Variants in NALCN observed in about 807,000 individuals in gnomAD.
NALCN encodes the protein sodium leak channel, non-selective, also known as sodium leak channel NALCN.
In NALCN, 111 loss-of-function variants were observed where a neutral mutation model predicts 225.3. The observed-to-expected ratio is 0.49, with a 90% CI of 0.42 to 0.58. The LOEUF (loss-of-function observed/expected upper bound fraction) is 0.58. NALCN is among the 20% of genes least tolerant of loss of function. The probability of loss-of-function intolerance (pLI) is 0.00; values close to 1 mark genes in which losing one functional copy is unlikely to be tolerated. For missense variants in NALCN, 1,378 were observed against 2,202.4 expected, an observed-to-expected ratio of 0.63 and a Z score of 7.49; for synonymous variants, 764 against 769.0, an observed-to-expected ratio of 0.99 and a Z score of 0.11.
intron 15 of NALCN, among the ~76,000 whole-genome samples, chr13:101,154,810 C>T (rs1443599551): frequency 6.6e-6 from 1 of 152,134 alleles, no homozygotes; most frequent in Non-Finnish European, 1.5e-5. Flanking sequence ...TATTATCCAG[C>T]ACAAGCAAGT....
chr13:101,186,568 G>A (rs2039456348), intron 14 of NALCN, among the ~76,000 whole-genome samples: 2 of 151,852 alleles, frequency 1.3e-5, no homozygotes, highest in South Asian at 4.2e-4. Flanking sequence ...GACTTTTTTT[G>A]GGTAGTATAG....
At chr13:101,189,431 G>T (rs554033537) in intron 14 of NALCN, among the ~76,000 whole-genome samples, 47 of 152,250 alleles carry the variant, frequency 3.1e-4, no homozygotes, top group African/African-American at 1.1e-3. Context: ...ATTTAAAGGG[G>T]CTCAGTGCTG....
chr13:101,398,165 T>C (rs1349890276), intron 2 of NALCN, among the ~76,000 whole-genome samples: 1 of 152,142 alleles, frequency 6.6e-6, no homozygotes. Flanking sequence ...GATGCTTCCA[T>C]GATTATAAAG....
At chr13:101,262,560 C>G (rs148234011) in intron 10 of NALCN, among the ~76,000 whole-genome samples, 1 of 152,204 alleles carries the variant, frequency 6.6e-6, no homozygotes, top group African/African-American at 2.4e-5. Flanking sequence ...TTAACACATG[C>G]CCTTACTGTC....
chr13:101,300,776 A>G (rs1232194401), intron 7 of NALCN, among the ~76,000 whole-genome samples: 4 of 152,282 alleles, frequency 2.6e-5, no homozygotes, highest in Non-Finnish European at 5.9e-5. Context: ...AAAACAAAAT[A>G]AAGCAAAAAC....
chr13:101,197,035 A>C (rs996636310), intron 13 of NALCN, among the ~76,000 whole-genome samples: 1 of 151,964 alleles, frequency 6.6e-6, no homozygotes, highest in Non-Finnish European at 1.5e-5. Flanking sequence ...CTTCACTCTC[A>C]AGCCTCCTCA....
At chr13:101,090,840 T>A (rs1184235618) in intron 28 of NALCN, among the ~76,000 whole-genome samples, 1 of 152,144 alleles carries the variant, frequency 6.6e-6, no homozygotes, top group African/African-American at 2.4e-5. Context: ...ATCCAACAGG[T>A]AATTTTTCCA....
chr13:101,101,323 C>G (rs954969206), intron 26 of NALCN, among the ~76,000 whole-genome samples: 5 of 148,150 alleles, frequency 3.4e-5, no homozygotes, highest in African/African-American at 1.2e-4. Flanking sequence ...CTCTGTCCCC[C>G]AGGGTGGAGT....
chr13:101,105,815 T>C (rs936276925), intron 22 of NALCN, among the ~76,000 whole-genome samples: 2 of 152,160 alleles, frequency 1.3e-5, no homozygotes, highest in Non-Finnish European at 2.9e-5. Flanking sequence ...AGGTAGTAGC[T>C]GGGTCCCTGA....
chr13:101,171,516 A>G (rs373770936), intron 15 of NALCN, among the ~76,000 whole-genome samples: 1 of 152,200 alleles, frequency 6.6e-6, no homozygotes, highest in South Asian at 2.1e-4. Context: ...ACGTACTTCA[A>G]TATGGGGGTC....
intron 9 of NALCN, among the ~76,000 whole-genome samples, chr13:101,288,358 T>C (rs1226436836): frequency 2.0e-5 from 3 of 152,254 alleles, no homozygotes; most frequent in African/African-American, 7.2e-5. Flanking sequence ...TAAAGTATTT[T>C]CTTTGAGCAT....
intron 13 of NALCN, among the ~76,000 whole-genome samples, chr13:101,225,470 T>A (rs2140121090): frequency 6.6e-6 from 1 of 152,298 alleles, no homozygotes; most frequent in South Asian, 2.1e-4. Context: ...ACCTCCGGGC[T>A]TGGATTGGGA....
rs1453417890 is a variant in NALCN at position 101,083,074 on chromosome 13, T to C, written c.3690+18A>G. The C allele has an allele frequency of 6.2e-6, 10 of 1,611,144 alleles. No individual in the cohort carries two copies. The highest frequency in any genetic ancestry group is 8.5e-6 in the Non-Finnish European group (10 of 1,177,430). On this transcript the variant is annotated intron_variant, in intron 32 of 43. Coordinates refer to ENST00000251127, the MANE Select transcript of NALCN (RefSeq NM_052867.4). ...AATACAAAATTCATTCCCGGAGTCT[T>C]AGGGTGAAACGAAGTACCTTGACAG...
At chr13:101,230,058 A>G (rs1300133926) in intron 12 of NALCN, among the ~76,000 whole-genome samples, 1 of 152,194 alleles carries the variant, frequency 6.6e-6, no homozygotes, top group East Asian at 1.9e-4. Context: ...ACTATTAAGA[A>G]TATTGCATAC....
chr13:101,146,707 TATACATTG>T (rs2037363087), intron 15 of NALCN, among the ~76,000 whole-genome samples: 1 of 152,330 alleles, frequency 6.6e-6, no homozygotes, highest in Admixed American at 6.5e-5. Flanking sequence ...CTCATTTATT[TATACATTG>T]ATACTGTCAC....
intron 10 of NALCN, among the ~76,000 whole-genome samples, chr13:101,263,113 A>G (rs1469023600): frequency 6.6e-6 from 1 of 152,212 alleles, no homozygotes; most frequent in Non-Finnish European, 1.5e-5. Flanking sequence ...TAAGGATCTA[A>G]TAATTTGAGA....
chr13:101,072,952 A>G (rs2032997913), intron 37 of NALCN, among the ~76,000 whole-genome samples: 1 of 152,148 alleles, frequency 6.6e-6, no homozygotes, highest in Non-Finnish European at 1.5e-5. Flanking sequence ...GGTCTGTCCT[A>G]CGGTGAGAAA....
intron 13 of NALCN, among the ~76,000 whole-genome samples, chr13:101,208,881 C>G (rs77604031): frequency 0.039 from 5,926 of 152,282 alleles, 374 homozygotes; most frequent in African/African-American, 0.14. Flanking sequence ...TGCTACACTT[C>G]CTGTACAGCC....
At chr13:101,348,328 T>C (rs931021822) in intron 6 of NALCN, among the ~76,000 whole-genome samples, 5 of 152,092 alleles carry the variant, frequency 3.3e-5, no homozygotes. Flanking sequence ...AAGCCTGGGG[T>C]GAGACGTAAG....
Sources: gnomAD v4.1 joint callset for allele counts (sites outside exome capture counted in the v4.1 genomes callset) on GRCh38, gnomAD v4.1.1 for gene constraint, MANE v1.5 for transcripts, NCBI Gene and HGNC (gene_info 2026-07-23, HGNC 2026-07-21) for gene names.